Variants in IL1RAPL2 observed in about 807,000 individuals in gnomAD.
The protein encoded by IL1RAPL2 is interleukin 1 receptor accessory protein like 2.
In IL1RAPL2, 3 loss-of-function variants were observed where a neutral mutation model predicts 44.1. The ratio of observed to expected loss-of-function variants is 0.07; its 90% CI spans 0.03 to 0.18. The LOEUF (loss-of-function observed/expected upper bound fraction) is 0.18, where lower values mean the gene tolerates loss of function less well. Ranked by LOEUF, IL1RAPL2 falls within the 10% of genes least tolerant of loss-of-function variation. IL1RAPL2 has a pLI of 1.00. For synonymous variants in IL1RAPL2, 181 were observed against 178.8 expected, an observed-to-expected ratio of 1.01 and a Z score of -0.10; for missense variants, 391 against 496.4, an observed-to-expected ratio of 0.79 and a Z score of 2.02.
chrX:105,276,409 A>C (rs2034486631), intron 5 of IL1RAPL2, among the ~76,000 whole-genome samples: 1 of 112,344 alleles, frequency 8.9e-6, no homozygotes, highest in Non-Finnish European at 1.9e-5. Context: ...ACTCCAACTC[A>C]AACAAAACAA....
intron 2 of IL1RAPL2, among the ~76,000 whole-genome samples, chrX:105,110,930 C>G (rs889253432): frequency 9.0e-6 from 1 of 110,811 alleles, no homozygotes; most frequent in Non-Finnish European, 1.9e-5. Context: ...GAGCGAGACT[C>G]CACCTCAAAA....
intron 2 of IL1RAPL2, among the ~76,000 whole-genome samples, chrX:104,950,683 T>G (rs1404549967): frequency 4.7e-5 from 5 of 107,173 alleles, no homozygotes; most frequent in Admixed American, 9.9e-5. Context: ...GTGAGCTGTT[T>G]TTTGTTTGTT....
intron 2 of IL1RAPL2, among the ~76,000 whole-genome samples, chrX:104,842,160 T>A (rs1921920886): frequency 9.1e-6 from 1 of 109,590 alleles, no homozygotes; most frequent in South Asian, 4.0e-4. Context: ...CTGATATCTT[T>A]TCTTCTGCTT....
intron 6 of IL1RAPL2, among the ~76,000 whole-genome samples, chrX:105,572,476 C>T (rs948875120): frequency 3.6e-5 from 4 of 111,746 alleles, no homozygotes; most frequent in African/African-American, 1.3e-4. Context: ...TATATATTAT[C>T]TTAAGTACAG....
chrX:104,604,900 A>C (rs1397131373), intron 1 of IL1RAPL2, among the ~76,000 whole-genome samples: 1 of 111,200 alleles, frequency 9.0e-6, no homozygotes, highest in Non-Finnish European at 1.9e-5. Context: ...TCAATATTAG[A>C]CAGATCAAAG....
In IL1RAPL2 at chrX:104,990,650, C is replaced by T. The variant is rs534989657; in HGVS notation, c.83-204825C>T. Among the ~76,000 whole-genome samples, 55 of 111,387 alleles carry T rather than the reference C, an allele frequency of 4.9e-4. 1 individual carries two copies. Among genetic ancestry groups the T allele is most frequent in the Middle Eastern group, 4.6e-3 (1 of 217 alleles). Reference sequence around the variant, plus strand: ...TCTTGTAATGCTTTTGAAAACTCTTCGAAAGCACTAAAACATCAATGGCCT... The same window carrying T: ...TCTTGTAATGCTTTTGAAAACTCTTTGAAAGCACTAAAACATCAATGGCCT... On this transcript the variant is annotated intron_variant, in intron 2 of 10. Coordinates refer to ENST00000372582, the MANE Select transcript of IL1RAPL2 (RefSeq NM_017416.2).
chrX:104,636,138 G>A (rs1929799023), intron 1 of IL1RAPL2, among the ~76,000 whole-genome samples: 1 of 112,010 alleles, frequency 8.9e-6, no homozygotes, highest in African/African-American at 3.2e-5. Context: ...GGTATCAGCA[G>A]CGGAGGCTGC....
intron 2 of IL1RAPL2, among the ~76,000 whole-genome samples, chrX:105,111,611 ATAAGT>A (rs1202135807): frequency 4.5e-5 from 5 of 112,166 alleles, no homozygotes; most frequent in Non-Finnish European, 9.4e-5. Flanking sequence ...ATTCCTCCAG[ATAAGT>A]TAATTATCTG....
chrX:105,327,318 A>C, intron 5 of IL1RAPL2, among the ~76,000 whole-genome samples: 1 of 111,783 alleles, frequency 8.9e-6, no homozygotes, highest in Admixed American at 9.6e-5. Context: ...TAGTTGCTAC[A>C]ATACATGACC....
chrX:105,718,859 G>C (rs1454124835), intron 7 of IL1RAPL2, among the ~76,000 whole-genome samples: 1 of 111,389 alleles, frequency 9.0e-6, no homozygotes, highest in Non-Finnish European at 1.9e-5. Flanking sequence ...GGAGGCTGAG[G>C]TGGGCACATC....
chrX:105,684,551 A>C (rs979614754), intron 6 of IL1RAPL2, among the ~76,000 whole-genome samples: 2 of 112,676 alleles, frequency 1.8e-5, no homozygotes, highest in Non-Finnish European at 1.9e-5. Flanking sequence ...GGTGGAGCCC[A>C]CCACAGCTCA....
At chrX:105,681,729 G>T (rs1331639412) in intron 6 of IL1RAPL2, among the ~76,000 whole-genome samples, 2 of 111,347 alleles carry the variant, frequency 1.8e-5, no homozygotes, top group Middle Eastern at 4.7e-3. Context: ...TTTTACTCCA[G>T]CCTGGGCGAA....
At chrX:105,489,646 T>TTTCC (rs1326457619) in intron 6 of IL1RAPL2, among the ~76,000 whole-genome samples, 3 of 110,324 alleles carry the variant, frequency 2.7e-5, no homozygotes, top group Non-Finnish European at 3.8e-5. Context: ...ATAATTTTCT[T>TTTCC]TTCCTTCCTT....
chrX:105,566,979 C>CT (rs2036979280), intron 6 of IL1RAPL2, among the ~76,000 whole-genome samples: 1 of 111,350 alleles, frequency 9.0e-6, no homozygotes, highest in Non-Finnish European at 1.9e-5. Context: ...TCTCATTGAT[C>CT]TGGCTGAGCA....
intron 2 of IL1RAPL2, among the ~76,000 whole-genome samples, chrX:105,005,709 G>A (rs2030930290): frequency 9.1e-6 from 1 of 110,028 alleles, no homozygotes; most frequent in Non-Finnish European, 1.9e-5. Context: ...AAAATTCTCT[G>A]AACTCTTCAT....
chrX:104,897,409 A>G (rs1488241554), intron 2 of IL1RAPL2, among the ~76,000 whole-genome samples: 3 of 112,152 alleles, frequency 2.7e-5, no homozygotes, highest in African/African-American at 9.7e-5. Flanking sequence ...CTTTAGAGCC[A>G]TTGTTCCCAG....
intron 6 of IL1RAPL2, among the ~76,000 whole-genome samples, chrX:105,597,556 A>AG (rs34542545): frequency 9.0e-6 from 1 of 110,940 alleles, no homozygotes; most frequent in Non-Finnish European, 1.9e-5. Context: ...GAGAGCGAGG[A>AG]GGGGGGAGGT....
In IL1RAPL2 at chrX:104,793,119, G is replaced by C. The variant is rs1429115933; in HGVS notation, c.82+134124G>C. Among the ~76,000 whole-genome samples the C allele has an allele frequency of 5.3e-5, 6 of 112,347 alleles. No homozygotes were observed. In the East Asian group the frequency reaches 1.7e-3, roughly 31 times the overall value. Reference sequence around the variant, plus strand: ...ACAAGAATGGCCACTCAAGAATTCTGTTGGTCCAGCAGTTAAGGTCATATA... The same window carrying C: ...ACAAGAATGGCCACTCAAGAATTCTCTTGGTCCAGCAGTTAAGGTCATATA... On this transcript the variant is annotated intron_variant, in intron 2 of 10. Coordinates refer to ENST00000372582, the MANE Select transcript of IL1RAPL2 (RefSeq NM_017416.2).
chrX:105,333,375 A>G (rs1301962202), intron 5 of IL1RAPL2, among the ~76,000 whole-genome samples: 1 of 111,960 alleles, frequency 8.9e-6, no homozygotes, highest in African/African-American at 3.2e-5. Context: ...AAAATAGATT[A>G]AGAGGTTAAA....
Sources: gnomAD v4.1 joint callset for allele counts (sites outside exome capture counted in the v4.1 genomes callset) on GRCh38, gnomAD v4.1.1 for gene constraint, MANE v1.5 for transcripts, NCBI Gene and HGNC (gene_info 2026-07-23, HGNC 2026-07-21) for gene names.